The following NFIB variants were observed in gnomAD, a reference collection of about 807,000 sequenced individuals.
The protein encoded by NFIB is nuclear factor 1 B-type.
A neutral mutation model predicts 61.5 loss-of-function variants in NFIB; 11 were observed. The observed-to-expected ratio is 0.18, with a 90% CI of 0.11 to 0.30. NFIB has a LOEUF of 0.30. NFIB is among the 10% of genes least tolerant of loss of function. The pLI, the probability that NFIB is intolerant of heterozygous loss-of-function variation, is 1.00. For missense variants in NFIB, 471 were observed against 608.9 expected (o/e 0.77, Z 2.38); for synonymous variants, 260 against 216.5 (o/e 1.20, Z -1.76).
chr9:14,116,160 A>T, intron 9 of NFIB, 48 bp downstream of exon 9: 1 of 1,435,870 alleles, frequency 7.0e-7, no homozygotes, highest in South Asian at 1.5e-5. Flanking sequence ...GACATTTCTC[A>T]TTTCCTATGG....
chr9:14,467,619 A>C, the NFIB span, among the ~76,000 whole-genome samples: 21,144 of 152,186 alleles, frequency 0.14, 1,566 homozygotes, highest in Non-Finnish European at 0.16. Context: ...GCATTCATTC[A>C]ATATGTATTT....
At chr9:14,411,656 G>C in the NFIB span, among the ~76,000 whole-genome samples, 3 of 152,252 alleles carry the variant, frequency 2.0e-5, no homozygotes, top group African/African-American at 7.2e-5. Flanking sequence ...TGTGGCCTTC[G>C]TTTCTGTTGG....
chr9:14,165,109 C>A (rs750393041), intron 3 of NFIB, among the ~76,000 whole-genome samples: 6 of 152,130 alleles, frequency 3.9e-5, no homozygotes, highest in East Asian at 1.9e-4. Context: ...CTAGAACATA[C>A]TAGAAATGTG....
chr9:14,377,064 T>C (rs1457894773), intron 1 of NFIB, among the ~76,000 whole-genome samples: 1 of 152,190 alleles, frequency 6.6e-6, no homozygotes, highest in Non-Finnish European at 1.5e-5. Flanking sequence ...ATTCTTTCCC[T>C]CCATGAAGCA....
chr9:14,410,318 G>T, the NFIB span, among the ~76,000 whole-genome samples: 3 of 151,528 alleles, frequency 2.0e-5, no homozygotes, highest in Non-Finnish European at 4.4e-5. Flanking sequence ...TTCATATTTT[G>T]CCCCACTGTA....
chr9:14,151,207 A>G (rs1179892406), intron 4 of NFIB, among the ~76,000 whole-genome samples: 2 of 152,128 alleles, frequency 1.3e-5, no homozygotes, highest in Non-Finnish European at 2.9e-5. Flanking sequence ...ACACGTGCTC[A>G]ACCATTGTGA....
chr9:14,225,462 A>C (rs1222217949), intron 2 of NFIB, among the ~76,000 whole-genome samples: 1 of 114,322 alleles, frequency 8.7e-6, no homozygotes, highest in Admixed American at 1.1e-4. Context: ...GTCTCAAAAA[A>C]AAAAAAAAAA....
intron 1 of NFIB, among the ~76,000 whole-genome samples, chr9:14,324,931 A>G (rs899858807): frequency 2.0e-5 from 3 of 152,132 alleles, no homozygotes; most frequent in Admixed American, 6.5e-5. Context: ...TGGTCTTGCT[A>G]ATTTTTAGTT....
At chr9:14,225,707 G>T (rs1448522393) in intron 2 of NFIB, among the ~76,000 whole-genome samples, 1 of 152,136 alleles carries the variant, frequency 6.6e-6, no homozygotes, top group South Asian at 2.1e-4. Flanking sequence ...GGCTTAAAGG[G>T]AGATTTGACT....
At chr9:14,259,623 G>A (rs1009816572) in intron 2 of NFIB, among the ~76,000 whole-genome samples, 4 of 152,126 alleles carry the variant, frequency 2.6e-5, no homozygotes, top group Non-Finnish European at 4.4e-5. Flanking sequence ...ATTGGTGGCC[G>A]GGCGCAGTGG....
chr9:14,170,459 T>G (rs1237563773), intron 3 of NFIB, among the ~76,000 whole-genome samples: 1 of 152,058 alleles, frequency 6.6e-6, no homozygotes, highest in Non-Finnish European at 1.5e-5. Flanking sequence ...CTAGGCAACA[T>G]AGCAAGGCTC....
At chr9:14,430,260 A>G in the NFIB span, among the ~76,000 whole-genome samples, 1 of 152,240 alleles carries the variant, frequency 6.6e-6, no homozygotes, top group Admixed American at 6.5e-5. Flanking sequence ...AAACTCTAGT[A>G]GATCACTGAC....
intron 1 of NFIB, among the ~76,000 whole-genome samples, chr9:14,391,649 T>C (rs1232259687): frequency 2.6e-5 from 4 of 152,056 alleles, no homozygotes; most frequent in Non-Finnish European, 5.9e-5. Flanking sequence ...GTAAACACAC[T>C]GTGCATGTGG....
intron 2 of NFIB, among the ~76,000 whole-genome samples, chr9:14,211,678 G>C (rs1170364011): frequency 1.3e-5 from 2 of 152,246 alleles, no homozygotes; most frequent in Non-Finnish European, 2.9e-5. Flanking sequence ...GTTTATATCA[G>C]ATTCTGTGCC....
the NFIB span, among the ~76,000 whole-genome samples, chr9:14,416,495 C>G: frequency 1.4e-5 from 2 of 146,996 alleles, no homozygotes; most frequent in African/African-American, 5.1e-5. Flanking sequence ...TGTTTGTGTC[C>G]TAGTTTTTAA....
At chr9:14,436,330 G>C in the NFIB span, among the ~76,000 whole-genome samples, 2 of 152,228 alleles carry the variant, frequency 1.3e-5, no homozygotes, top group Non-Finnish European at 2.9e-5. Context: ...CATGCCACTA[G>C]TGGTGAATCT....
chr9:14,346,290 A>ACCCCT (rs2061019589), intron 1 of NFIB, among the ~76,000 whole-genome samples: 1 of 88,394 alleles, frequency 1.1e-5, no homozygotes, highest in Non-Finnish European at 2.6e-5. Flanking sequence ...GGTAACCGAC[A>ACCCCT]CCCCCCCCCC....
chr9:14,119,852 C>T (rs1285693824), intron 8 of NFIB, among the ~76,000 whole-genome samples: 2 of 152,088 alleles, frequency 1.3e-5, no homozygotes, highest in African/African-American at 4.8e-5. Flanking sequence ...TGAGTCACTA[C>T]ACTTACAAAA....
the NFIB span, among the ~76,000 whole-genome samples, chr9:14,413,612 C>T: frequency 6.6e-6 from 1 of 151,994 alleles, no homozygotes; most frequent in Admixed American, 6.6e-5. Context: ...GTTCTTAAGG[C>T]CAAAGGAAAT....
Sources: gnomAD v4.1 joint callset for allele counts (sites outside exome capture counted in the v4.1 genomes callset) on GRCh38, gnomAD v4.1.1 for gene constraint, MANE v1.5 for transcripts, NCBI Gene and HGNC (gene_info 2026-07-23, HGNC 2026-07-21) for gene names.